The following TRIM23 variants were observed in gnomAD, a reference collection of about 807,000 sequenced individuals.
The protein encoded by TRIM23 is tripartite motif containing 23.
In TRIM23, 27 loss-of-function variants were observed where a neutral mutation model predicts 71.0. The observed-to-expected ratio is 0.38, with a 90% CI of 0.28 to 0.52. TRIM23 has a LOEUF of 0.52. Ranked by LOEUF, TRIM23 falls within the 20% of genes least tolerant of loss-of-function variation. The pLI is 0.84. For missense variants in TRIM23, 482 were observed against 692.3 expected, an observed-to-expected ratio of 0.70 and a Z score of 3.41; for synonymous variants, 234 against 238.0, an observed-to-expected ratio of 0.98 and a Z score of 0.16.
rs1754022237 is a variant in TRIM23, at chr5:65,591,426, GAA to G, written c.*341_*342del. The G allele has an allele frequency of 1.3e-6, 2 of 1,589,270 alleles. No individual in the cohort carries two copies. The highest frequency in any genetic ancestry group is 3.5e-5 in the Admixed American group (2 of 56,762). On this transcript the variant is annotated 3_prime_UTR_variant, in exon 11 of 11. Transcript: ENST00000231524. ...CTCAATTGGCTATTCTTTTTTCACT[GAA>G]AGAATAAACCTTCACTTACCCTTTC...
At chr5:65,609,101 T>C in intron 6 of TRIM23, 142 bp downstream of exon 6, 1 of 797,870 alleles carries the variant, frequency 1.3e-6, no homozygotes, top group Non-Finnish European at 2.0e-6. Context: ...GTGAAATAAT[T>C]CAAGGTTGCA....
chr5:65,596,414 C>T lies in TRIM23; in HGVS notation c.1420+7G>A. ...GTGAAAAATTAAATGTCATTTTTAA[C>T]TCTCACCTTGAGTATTGAGGTAATA... On this transcript the variant is annotated splice_region_variant and intron_variant, in intron 9 of 10. Transcript: ENST00000231524. 1 of 1,552,766 alleles carries T rather than the reference C, an allele frequency of 6.4e-7. No homozygotes were observed. Among genetic ancestry groups the T allele is most frequent in the Non-Finnish European group, 8.9e-7 (1 of 1,127,468 alleles).
Position 65,611,480 on chromosome 5 carries a change from T to C in TRIM23, c.645+123A>G, listed in dbSNP as rs73763166. Reference sequence around the variant, plus strand: ...TTTATTTTCATGCTACCAAACCCAATCACTCATCACTTAACTCTTCTTCAA... The same window carrying C: ...TTTATTTTCATGCTACCAAACCCAACCACTCATCACTTAACTCTTCTTCAA... On this transcript the variant is annotated intron_variant, in intron 4 of 10. Transcript: ENST00000231524. The C allele has an allele frequency of 1.7e-3, 1,771 of 1,033,486 alleles. 12 individuals are homozygous for C. In the African/African-American group the frequency reaches 0.022, roughly 13 times the overall value. 64.0% of individuals were successfully genotyped at this position (1,033,486 alleles called of 1,614,324 possible). A position where few individuals can be genotyped will look rare whatever the true frequency, so the allele number is the denominator to read the frequency against.
At chr5:65,593,142 C>T (rs771030465) in intron 10 of TRIM23, among the ~76,000 whole-genome samples, 14 of 151,984 alleles carry the variant, frequency 9.2e-5, no homozygotes, top group Non-Finnish European at 1.9e-4. Flanking sequence ...TAATAACCCA[C>T]GAACAGTGTT....
intron 7 of TRIM23, among the ~76,000 whole-genome samples, chr5:65,599,450 G>A (rs776713148): frequency 6.6e-5 from 10 of 152,038 alleles, no homozygotes; most frequent in East Asian, 1.9e-4. Context: ...ATACTATGTT[G>A]GTGCAAAAGC....
In TRIM23 at chr5:65,591,131, T is replaced by A; in HGVS notation, c.*638A>T. 9.6e-7 allele frequency: 1 copy of A among 1,046,238 alleles called. No homozygotes were observed. The highest frequency in any genetic ancestry group is 1.2e-6 in the Non-Finnish European group (1 of 869,336). The allele number at this position is 1,046,238 out of a possible 1,614,324, so 64.8% of individuals were successfully genotyped here. A position where few individuals can be genotyped will look rare whatever the true frequency, so the allele number is the denominator to read the frequency against. ...ATTGGGTAACATTTCACTCCCTCAT[T>A]GTGTTTTATACAAAATGCTGTAGGA... On this transcript the variant is annotated 3_prime_UTR_variant, in exon 11 of 11. Coordinates refer to ENST00000231524, the MANE Select transcript of TRIM23 (RefSeq NM_001656.4).
chr5:65,593,601 T>G (rs1192363033), intron 10 of TRIM23, among the ~76,000 whole-genome samples: 1 of 152,182 alleles, frequency 6.6e-6, no homozygotes, highest in Non-Finnish European at 1.5e-5. Flanking sequence ...TCTTTATTCT[T>G]CATCCTACTC....
intron 7 of TRIM23, among the ~76,000 whole-genome samples, chr5:65,603,493 T>C (rs900872969): frequency 6.6e-6 from 1 of 152,158 alleles, no homozygotes; most frequent in East Asian, 1.9e-4. Context: ...TGCATACAAA[T>C]ATATAAACAT....
At chr5:65,600,293 T>G (rs1754325688) in intron 7 of TRIM23, among the ~76,000 whole-genome samples, 1 of 151,998 alleles carries the variant, frequency 6.6e-6, no homozygotes, top group South Asian at 2.1e-4. Context: ...TAATGAAAAC[T>G]ATGTGGTACT....
In TRIM23 at chr5:65,594,593, G is replaced by T; in HGVS notation, c.1473C>A (p.His491Gln). 5 of 1,611,972 alleles carry T rather than the reference G, an allele frequency of 3.1e-6. No homozygotes were observed. The highest frequency in any genetic ancestry group is 4.2e-6 in the Non-Finnish European group (5 of 1,179,234). ...CCGTTAACAACTTTGCAAGTTCGCT[G>T]TGTGCTTCACTAATTCTGTCTCTAT... Reference protein sequence around the residue: ...SSHRDRISEAHSELAKLLTEK... With the variant: ...SSHRDRISEAQSELAKLLTEK... Residue 491 changes from histidine (H) to glutamine (Q), a missense_variant, in exon 10 of 11, where the codon CAC becomes CAA. Physicochemically the swap from His to Gln is conservative, Grantham distance 24 (BLOSUM62 0). Coordinates refer to ENST00000231524, the MANE Select transcript of TRIM23 (RefSeq NM_001656.4).
At chr5:65,605,184 T>C in intron 6 of TRIM23, 139 bp from the exon 7 acceptor site, 1 of 755,300 alleles carries the variant, frequency 1.3e-6, no homozygotes, top group Non-Finnish European at 2.0e-6. Flanking sequence ...AAAATAATAA[T>C]TGAGCATTAA....
At chr5:65,602,760 A>T (rs1179290256) in intron 7 of TRIM23, among the ~76,000 whole-genome samples, 2 of 152,208 alleles carry the variant, frequency 1.3e-5, no homozygotes, top group African/African-American at 4.8e-5. Flanking sequence ...GAGAAAAATG[A>T]GGAAGAAGCA....
chr5:65,596,512 T>C lies in TRIM23; in HGVS notation c.1329A>G (p.Val443=). The change falls in exon 9 of 11, where the codon GTA becomes GTG. Residue 443 remains valine (V), a synonymous_variant. Coordinates refer to ENST00000231524, the MANE Select transcript of TRIM23 (RefSeq NM_001656.4). ...TAGTGAATTTTAGATTTTTATATTC[T>C]ACAGTTTCCACGTTAAAACCTGTTT... ...IPTIGFNVET[V]EYKNLKFTIW... 6.2e-7 allele frequency: 1 copy of C among 1,605,776 alleles called. No individual in the cohort carries two copies. Among genetic ancestry groups the C allele is most frequent in the Non-Finnish European group, 8.5e-7 (1 of 1,173,834 alleles).
Position 65,611,879 on chromosome 5 carries a change from G to A in TRIM23, c.369C>T (p.Ser123=). 6.2e-7 allele frequency: 1 copy of A among 1,606,936 alleles called. No homozygotes were observed. The highest frequency in any genetic ancestry group is 8.5e-7 in the Non-Finnish European group (1 of 1,174,318). The part of the protein sequence containing the change: ...AEESIGISGE[S]IIRCDEDEAH... Reference sequence around the variant, plus strand: ...CTTCATCTTCATCACAACGAATGATGCTCTGATAAACAAAAAATTAATGCC... The same window carrying A: ...CTTCATCTTCATCACAACGAATGATACTCTGATAAACAAAAAATTAATGCC... Residue 123 remains serine, a splice_region_variant and synonymous_variant, in exon 4 of 11, where the codon AGC becomes AGT. Coordinates refer to ENST00000231524, the MANE Select transcript of TRIM23 (RefSeq NM_001656.4).
chr5:65,610,083 T>C (rs1754612567), intron 5 of TRIM23, among the ~76,000 whole-genome samples: 1 of 152,334 alleles, frequency 6.6e-6, no homozygotes, highest in South Asian at 2.1e-4. Flanking sequence ...CTAAGACCTA[T>C]CTATTCTACT....
At chr5:65,617,051 G>A (rs755621522) in intron 2 of TRIM23, among the ~76,000 whole-genome samples, 3 of 152,052 alleles carry the variant, frequency 2.0e-5, no homozygotes, top group African/African-American at 4.8e-5. Flanking sequence ...GAAATAGTAT[G>A]ATATATGCAT....
chr5:65,595,285 C>T (rs1167737650), intron 9 of TRIM23, among the ~76,000 whole-genome samples: 1 of 151,822 alleles, frequency 6.6e-6, no homozygotes, highest in Non-Finnish European at 1.5e-5. Flanking sequence ...TGGCCGGGCG[C>T]GGTGGCTCGT....
At chr5:65,593,685 C>G (rs942752536) in intron 10 of TRIM23, among the ~76,000 whole-genome samples, 11 of 152,138 alleles carry the variant, frequency 7.2e-5, no homozygotes, top group African/African-American at 2.7e-4. Context: ...TCTCATCCTC[C>G]TAGAAAGGCT....
intron 8 of TRIM23, 126 bp from the exon 9 acceptor site, chr5:65,596,657 G>A: frequency 3.1e-6 from 2 of 650,742 alleles, no homozygotes; most frequent in African/African-American, 1.8e-5. Context: ...AATATCTACT[G>A]AAGCCTAATC....
Sources: gnomAD v4.1 joint callset for allele counts (sites outside exome capture counted in the v4.1 genomes callset) on GRCh38, gnomAD v4.1.1 for gene constraint, MANE v1.5 for transcripts, NCBI Gene and HGNC (gene_info 2026-07-23, HGNC 2026-07-21) for gene names.